Variants in OPN5 observed in about 807,000 individuals in gnomAD.
OPN5 encodes opsin 5, also known as opsin-5.
A neutral mutation model predicts 41.7 loss-of-function variants in OPN5; 18 were observed. The observed-to-expected ratio is 0.43, with a 90% confidence interval of 0.30 to 0.64. The LOEUF is 0.64. Among genes scored for constraint, OPN5 ranks in the 30% least tolerant of loss-of-function variants. OPN5 has a pLI of 0.13. For missense variants in OPN5, 318 were observed against 434.5 expected, an observed-to-expected ratio of 0.73 and a Z score of 2.38; for synonymous variants, 178 against 164.3, an observed-to-expected ratio of 1.08 and a Z score of -0.64.
downstream of OPN5, chr6:47,825,876 G>A (rs766856309): frequency 3.3e-5 from 5 of 152,060 alleles, no homozygotes; most frequent in East Asian, 1.9e-4. Flanking sequence ...ATTAGGCTCC[G>A]AAGTATGAGA....
chr6:47,787,551 C>T (rs9473176), intron 2 of OPN5, among the ~76,000 whole-genome samples: 39,142 of 152,072 alleles, frequency 0.26, 5,194 homozygotes, highest in African/African-American at 0.29. Flanking sequence ...CAGTACACAG[C>T]AGCTCCTCTT....
chr6:47,818,836 G>A (rs1049383388), intron 6 of OPN5, among the ~76,000 whole-genome samples: 1 of 152,162 alleles, frequency 6.6e-6, no homozygotes, highest in African/African-American at 2.4e-5. Flanking sequence ...TTCATGACAA[G>A]GGTTAGAGCA....
At chr6:47,824,737 G>GT (rs773710563), downstream of OPN5, 1 of 151,968 alleles carries the variant, frequency 6.6e-6, no homozygotes, top group Admixed American at 6.6e-5. Context: ...TTGTGTATGT[G>GT]TTTTTTTCCT....
intron 2 of OPN5, among the ~76,000 whole-genome samples, chr6:47,788,510 C>T (rs1166620531): frequency 1.3e-5 from 2 of 152,206 alleles, no homozygotes; most frequent in Non-Finnish European, 2.9e-5. Flanking sequence ...CAGAGTAATT[C>T]ACCAGAAACC....
At chr6:47,787,171 C>G (rs1052120971) in intron 2 of OPN5, 326 of 984,094 alleles carry the variant, frequency 3.3e-4, no homozygotes, top group Non-Finnish European at 3.8e-4. Context: ...TAGGAAGCTT[C>G]TGGTTCAGTG....
At chr6:47,823,681 C>G in intron 6 of OPN5, 2 of 487,204 alleles carry the variant, frequency 4.1e-6, no homozygotes, top group Non-Finnish European at 3.7e-6. Context: ...TCATTCTAGG[C>G]AATGCTTAGG....
At chr6:47,791,387 A>C (rs76366445) in intron 2 of OPN5, among the ~76,000 whole-genome samples, 3,781 of 152,258 alleles carry the variant, frequency 0.025, 90 homozygotes, top group Non-Finnish European at 0.036. Context: ...TTTCTCTCAG[A>C]GATTTTATTC....
At chr6:47,805,349 C>G (rs1480734160) in intron 4 of OPN5, among the ~76,000 whole-genome samples, 2 of 152,040 alleles carry the variant, frequency 1.3e-5, no homozygotes, top group Non-Finnish European at 2.9e-5. Context: ...TGCAGGAGAT[C>G]TGGGCTCACT....
intron 2 of OPN5, among the ~76,000 whole-genome samples, chr6:47,789,539 A>C (rs1040581082): frequency 5.9e-5 from 9 of 151,944 alleles, no homozygotes; most frequent in African/African-American, 2.2e-4. Flanking sequence ...ATGGAAAAAA[A>C]CCCCACAAAC....
rs554687714 is a variant in OPN5 at position 47,788,216 on chromosome 6, G to A, written c.250+1582G>A. 4.3e-4 allele frequency among the ~76,000 whole-genome samples: 65 copies of A among 152,314 alleles called. No homozygotes were observed. In the South Asian group the frequency reaches 0.013, roughly 30 times the overall value. ...TGCAAAATGGCTGCCATTTTTACCT[G>A]TTGCCACGCGATGGCGCTGTCGCAA... On this transcript the variant is annotated intron_variant, in intron 2 of 6. Coordinates refer to ENST00000371211, the Ensembl canonical transcript of OPN5.
In OPN5 at chr6:47,795,956, G is replaced by A. The variant is rs115446665; in HGVS notation, c.756+393G>A. Among the ~76,000 whole-genome samples the A allele has an allele frequency of 5.0e-3, 764 of 152,168 alleles. 11 individuals are homozygous for A. Among genetic ancestry groups the A allele is most frequent in the African/African-American group, 0.017 (720 of 41,498 alleles). ...TACAATGCCTCACAGTATTTTCTGC[G>A]TTGCATGGACTTTGGGACATCATTA... On this transcript the variant is annotated intron_variant, in intron 4 of 6. Coordinates refer to ENST00000371211, the Ensembl canonical transcript of OPN5.
intron 5 of OPN5, 50 bp from the exon 6 acceptor site, chr6:47,811,622 ATG>A (rs907850256): frequency 1.1e-5 from 13 of 1,150,482 alleles, no homozygotes; most frequent in Non-Finnish European, 1.7e-5. Context: ...ATATGTATTT[ATG>A]TGTGTGTATA....
chr6:47,818,601 C>G (rs1294931522), intron 6 of OPN5, among the ~76,000 whole-genome samples: 1 of 152,172 alleles, frequency 6.6e-6, no homozygotes, highest in African/African-American at 2.4e-5. Flanking sequence ...AGATGAGGCT[C>G]TTAGCTCAGG....
intron 2 of OPN5, among the ~76,000 whole-genome samples, chr6:47,788,176 G>A (rs535941371): frequency 6.6e-6 from 1 of 152,326 alleles, no homozygotes; most frequent in East Asian, 1.9e-4. Context: ...ACGAACCCCA[G>A]GGGATTTGTG....
chr6:47,813,273 C>A (rs917793367), intron 6 of OPN5, among the ~76,000 whole-genome samples: 8 of 152,158 alleles, frequency 5.3e-5, no homozygotes, highest in African/African-American at 1.9e-4. Context: ...GTGGACACAG[C>A]TGTAAAGCAC....
At chr6:47,789,628 GC>G (rs764589937) in intron 2 of OPN5, among the ~76,000 whole-genome samples, 63 of 152,172 alleles carry the variant, frequency 4.1e-4, no homozygotes, top group Non-Finnish European at 8.1e-4. Flanking sequence ...ACCTAGTCTA[GC>G]AAGCTGAAAG....
chr6:47,787,941 A>G (rs1773243041), intron 2 of OPN5, among the ~76,000 whole-genome samples: 1 of 152,104 alleles, frequency 6.6e-6, no homozygotes, highest in Non-Finnish European at 1.5e-5. Flanking sequence ...TCGCAAGTGG[A>G]TTTTTCTGCC....
At chr6:47,814,806 A>G (rs1013821025) in intron 6 of OPN5, among the ~76,000 whole-genome samples, 5 of 152,148 alleles carry the variant, frequency 3.3e-5, no homozygotes, top group Non-Finnish European at 7.4e-5. Context: ...GGGTTATGAG[A>G]AAGACTGCAA....
intron 6 of OPN5, among the ~76,000 whole-genome samples, chr6:47,815,068 G>A (rs1347493070): frequency 6.6e-6 from 1 of 152,082 alleles, no homozygotes; most frequent in Non-Finnish European, 1.5e-5. Flanking sequence ...GAAATTGAGA[G>A]TAGAAATGCC....
Sources: gnomAD v4.1 joint callset for allele counts (sites outside exome capture counted in the v4.1 genomes callset) on GRCh38, gnomAD v4.1.1 for gene constraint, MANE v1.5 for transcripts, NCBI Gene and HGNC (gene_info 2026-07-23, HGNC 2026-07-21) for gene names.